Variants in PHKA2 observed in about 807,000 individuals in gnomAD.
PHKA2 encodes the protein phosphorylase kinase regulatory subunit alpha 2, also known as phosphorylase b kinase regulatory subunit alpha, liver isoform.
In PHKA2, 31 loss-of-function variants were observed where a neutral mutation model predicts 102.0. That is an observed-to-expected ratio of 0.30 (90% CI 0.23 to 0.41). The LOEUF (loss-of-function observed/expected upper bound fraction) is 0.41, where lower values mean the gene tolerates loss of function less well. Ranked by LOEUF, PHKA2 falls within the 10% of genes least tolerant of loss-of-function variation. The probability of loss-of-function intolerance (pLI) is 1.00; values close to 1 mark genes in which losing one functional copy is unlikely to be tolerated. For missense variants in PHKA2, 858 were observed against 1,023.1 expected, an observed-to-expected ratio of 0.84 and a Z score of 2.20; for synonymous variants, 455 against 416.2, an observed-to-expected ratio of 1.09 and a Z score of -1.13.
chrX:18,905,834 C>T lies in PHKA2; in HGVS notation c.2832G>A (p.Met944Ile). 6 of 1,202,585 alleles carry T rather than the reference C, an allele frequency of 5.0e-6. No homozygotes were observed. The highest frequency in any genetic ancestry group is 6.8e-6 in the Non-Finnish European group (6 of 887,103). The change falls in exon 26 of 33, where the codon ATG becomes ATA. Residue 944 changes from methionine (M) to isoleucine (I), a missense_variant. Physicochemically the swap from Met to Ile is conservative, Grantham distance 10 (BLOSUM62 1). Transcript: ENST00000379942. Reference sequence around the variant, plus strand: ...TTTTCATATCGAAAGGGCTGAGGTTCATCAAACTTTCAGAAGCCTCTTCTC... The same window carrying T: ...TTTTCATATCGAAAGGGCTGAGGTTTATCAAACTTTCAGAAGCCTCTTCTC... The part of the protein sequence containing the change: ...CSGEEASESL[M>I]NLSPFDMKNL...
intron 30 of PHKA2, 157 bp from the exon 31 acceptor site, chrX:18,895,348 T>C: frequency 1.9e-6 from 1 of 521,213 alleles, no homozygotes; most frequent in Non-Finnish European, 3.4e-6. Flanking sequence ...TTAGAGAGCT[T>C]GTTCTCACTG....
At chrX:18,948,249 G>A (rs2048618741) in intron 5 of PHKA2, among the ~76,000 whole-genome samples, 1 of 112,139 alleles carries the variant, frequency 8.9e-6, no homozygotes, top group Admixed American at 9.4e-5. Flanking sequence ...CGAGGCAGGA[G>A]GATCACCTGA....
At chrX:18,908,457 ATGTC>A (rs1373894757) in intron 21 of PHKA2, among the ~76,000 whole-genome samples, 1 of 112,550 alleles carries the variant, frequency 8.9e-6, no homozygotes, top group Non-Finnish European at 1.9e-5. Context: ...TACGGCTTGA[ATGTC>A]TGTTTTCCCC....
At position 18,921,387 on chromosome X, in the gene PHKA2, C is replaced by T. The variant is rs180802332; in HGVS notation, c.1794-1186G>A. ...GTTGCAGTGAGCCGAGATCGCGCCA[C>T]TGTACTCCAGCCTGGGCGACAGAGA... On this transcript the variant is annotated intron_variant, in intron 17 of 32. Coordinates refer to ENST00000379942, the MANE Select transcript of PHKA2 (RefSeq NM_000292.3). Among the ~76,000 whole-genome samples the T allele has an allele frequency of 3.4e-3, 383 of 111,247 alleles. 1 individual carries two copies. The highest frequency in any genetic ancestry group is 0.012 in the African/African-American group (372 of 30,591).
chrX:18,900,507 G>A (rs1284535938), intron 28 of PHKA2, among the ~76,000 whole-genome samples, 163 bp downstream of exon 28: 1 of 111,430 alleles, frequency 9.0e-6, no homozygotes, highest in Non-Finnish European at 1.9e-5. Context: ...GGGCAAGGTC[G>A]TCTCTCCTGC....
At chrX:18,957,633 TTCTC>T (rs1345908285) in intron 1 of PHKA2, among the ~76,000 whole-genome samples, 22 of 109,226 alleles carry the variant, frequency 2.0e-4, no homozygotes, top group African/African-American at 5.4e-4. Flanking sequence ...TCTTTCTTCC[TTCTC>T]TTTTTTGCTT....
chrX:18,894,311 T>G lies in PHKA2; in HGVS notation c.3430A>C (p.Ile1144Leu). Residue 1144 changes from isoleucine to leucine, a missense_variant, in exon 32 of 33, where the codon ATC becomes CTC. By Grantham distance (5) the Ile-to-Leu change is conservative (BLOSUM62 2). Coordinates refer to ENST00000379942, the MANE Select transcript of PHKA2 (RefSeq NM_000292.3). ...TCCGAGAGCAGCGTCAGCACCATGA[T>G]GGCTTCCACCAGCAGCTGCCGGTAC... ...PEYRQLLVEAIMVLTLLSDTE... is the reference protein window; with the variant it reads ...PEYRQLLVEALMVLTLLSDTE... The G allele has an allele frequency of 8.3e-7, 1 of 1,211,407 alleles. No individual in the cohort carries two copies. The highest frequency in any genetic ancestry group is 2.3e-4 in the Middle Eastern group (1 of 4,352).
Position 18,908,789 on chromosome X carries a change from T to C in PHKA2, c.2360+12A>G. 1.7e-6 allele frequency: 2 copies of C among 1,188,971 alleles called. No homozygotes were observed. Among genetic ancestry groups the C allele is most frequent in the East Asian group, 3.0e-5 (1 of 33,742 alleles). ...TTTTGTTATAACTGCCCGAATGGACTCAGACACTTACTTTATGACATAAAG... is the reference window on the plus strand; with the variant it reads ...TTTTGTTATAACTGCCCGAATGGACCCAGACACTTACTTTATGACATAAAG... On this transcript the variant is annotated intron_variant, in intron 21 of 32. Transcript: ENST00000379942.
At chrX:18,903,920 C>T (rs1373961225) in intron 26 of PHKA2, among the ~76,000 whole-genome samples, 2 of 111,833 alleles carry the variant, frequency 1.8e-5, no homozygotes. Context: ...TCACCTGAAA[C>T]TCTACCAACT....
In PHKA2 at chrX:18,940,041, T is replaced by C. The variant is rs1026312702; in HGVS notation, c.872A>G (p.Tyr291Cys). The change falls in exon 9 of 33, where the codon TAT (tyrosine) becomes TGT (cysteine). Residue 291 changes from tyrosine to cysteine, a missense_variant. Tyr to Cys is a radical substitution (Grantham distance 194, BLOSUM62 -2). Around this residue, in one of 2 missense-constraint regions of PHKA2, gnomAD observed 187 missense variants for 277.9 expected, o/e 0.67. Transcript: ENST00000379942. ...NEIISKLQGR[Y>C]GCCRFLRDGY... ...ATCTCGAAGGAAGCGACAGCATCCA[T>C]AACGCCCCTAATAAGAGAAAGTACA... The C allele has an allele frequency of 7.6e-6, 9 of 1,191,235 alleles. No individual in the cohort carries two copies. In the Admixed American group the frequency reaches 1.7e-4, roughly 23 times the overall value.
intron 11 of PHKA2, among the ~76,000 whole-genome samples, chrX:18,934,073 C>T (rs2048354546): frequency 8.9e-6 from 1 of 111,828 alleles, no homozygotes; most frequent in Non-Finnish European, 1.9e-5. Flanking sequence ...TCCAAATTAC[C>T]TCTCATTACC....
At chrX:18,925,879 C>A in intron 14 of PHKA2, 102 bp from the exon 15 acceptor site, 3 of 580,048 alleles carry the variant, frequency 5.2e-6, no homozygotes, top group South Asian at 4.8e-5. Context: ...GATTAGACAA[C>A]CCATTTTGGG....
rs777573259 is a variant in PHKA2, at chrX:18,894,399, G to T, written c.3342C>A (p.Thr1114=). 3.3e-6 allele frequency: 4 copies of T among 1,209,082 alleles called. No homozygotes were observed. The East Asian group carries it at 8.9e-5, about 27-fold the overall frequency. ...VLPSSTTREM[T]PHEIKFAVHV... ...GGACAGCAAACTTGATCTCATGCGG[G>T]GTCATCTACCAAAGGGACAGGCAGG... Residue 1114 remains threonine (T), a synonymous_variant, in exon 32 of 33, where the codon ACC becomes ACA. Transcript: ENST00000379942.
intron 26 of PHKA2, among the ~76,000 whole-genome samples, chrX:18,902,299 C>A (rs2047702964): frequency 9.2e-6 from 1 of 108,913 alleles, no homozygotes; most frequent in Non-Finnish European, 1.9e-5. Context: ...CCATACCTGG[C>A]TAATTTTTTG....
In PHKA2 at chrX:18,897,316, G is replaced by A; in HGVS notation, c.3129C>T (p.Ser1043=). The change falls in exon 30 of 33, where the codon TCC becomes TCT. Residue 1043 remains serine, a synonymous_variant. Transcript: ENST00000379942. ...CTGAGGATGACGTGCCAGTGGGCGA[G>A]GATGGGGTGCTGGACCTCTGCAAGA... ...SSKSARSSTP[S]SPTGTSSSDS... The A allele has an allele frequency of 8.3e-7, 1 of 1,209,807 alleles. No homozygotes were observed. Among genetic ancestry groups the A allele is most frequent in the Non-Finnish European group, 1.1e-6 (1 of 895,016 alleles).
intron 1 of PHKA2, among the ~76,000 whole-genome samples, chrX:18,966,325 CA>C (rs780246953): frequency 4.6e-5 from 5 of 108,918 alleles, no homozygotes; most frequent in Admixed American, 1.9e-4. Flanking sequence ...CTCCTGACCT[CA>C]AGTGATCCCC....
At chrX:18,912,766 C>T (rs896672652) in intron 19 of PHKA2, among the ~76,000 whole-genome samples, 2 of 111,115 alleles carry the variant, frequency 1.8e-5, no homozygotes, top group African/African-American at 6.5e-5. Context: ...ACAAAATTAG[C>T]CAGGTGTGGT....
intron 20 of PHKA2, among the ~76,000 whole-genome samples, chrX:18,909,596 C>T (rs1402173740): frequency 8.9e-6 from 1 of 112,195 alleles, no homozygotes; most frequent in Non-Finnish European, 1.9e-5. Flanking sequence ...TAGTTTTACA[C>T]ACCCTGTGTA....
rs1601766163 is a variant in PHKA2 at position 18,943,793 on chromosome X, T to C, written c.634A>G (p.Ile212Val). ...VGMAKAALEA[I>V]DELDLFGAHG... Reference sequence around the variant, plus strand: ...GCTCCAAAAAGGTCCAGTTCATCAATTGCCTCAAGAGCTGCCTACAAACAC... The same window carrying C: ...GCTCCAAAAAGGTCCAGTTCATCAACTGCCTCAAGAGCTGCCTACAAACAC... Residue 212 changes from isoleucine (I) to valine (V), a missense_variant, in exon 7 of 33, where the codon ATT becomes GTT. Coordinates refer to ENST00000379942, the MANE Select transcript of PHKA2 (RefSeq NM_000292.3). The C allele has an allele frequency of 2.5e-6, 3 of 1,205,204 alleles. No individual in the cohort carries two copies. The highest frequency in any genetic ancestry group is 3.4e-6 in the Non-Finnish European group (3 of 889,471).
Sources: allele counts gnomAD v4.1 joint callset (sites outside exome capture counted in the v4.1 genomes callset), GRCh38; gene constraint gnomAD v4.1.1; regional missense constraint gnomAD v4.1.1; transcripts MANE v1.5; gene names NCBI Gene and HGNC (gene_info 2026-07-23, HGNC 2026-07-21).